LRBA: variants seen among roughly 807,000 people sequenced by gnomAD.
LRBA encodes lipopolysaccharide-responsive and beige-like anchor protein.
Under a neutral mutation model 330.0 loss-of-function variants are expected in LRBA, and 176 were observed. The ratio of observed to expected loss-of-function variants is 0.53; its 90% CI spans 0.47 to 0.60. LRBA has a LOEUF of 0.60. Among genes scored for constraint, LRBA ranks in the 20% least tolerant of loss-of-function variants. The pLI is 0.00. For missense variants in LRBA, 3,259 were observed against 3,444.8 expected (o/e 0.95, Z 1.35); for synonymous variants, 1,230 against 1,193.0 (o/e 1.03, Z -0.64).
intron 32 of LRBA, 127 bp from the exon 33 acceptor site, chr4:150,806,531 G>A (rs1180423228): frequency 4.4e-6 from 2 of 452,840 alleles, no homozygotes; most frequent in Non-Finnish European, 6.9e-6. Flanking sequence ...CACCTAAAGA[G>A]ACATTACTGC....
At chr4:150,335,491 GTATA>G (rs140639293) in intron 48 of LRBA, among the ~76,000 whole-genome samples, 1 of 143,950 alleles carries the variant, frequency 6.9e-6, no homozygotes, top group South Asian at 2.2e-4. Context: ...ATATGTGTGT[GTATA>G]TATATATACA....
At chr4:150,765,745 T>A (rs1735683482) in intron 34 of LRBA, among the ~76,000 whole-genome samples, 1 of 152,070 alleles carries the variant, frequency 6.6e-6, no homozygotes, top group South Asian at 2.1e-4. Context: ...ACCCATATAT[T>A]AAGTAGGCAG....
At chr4:150,707,820 T>C (rs1186361588) in intron 36 of LRBA, among the ~76,000 whole-genome samples, 1 of 151,674 alleles carries the variant, frequency 6.6e-6, no homozygotes, top group African/African-American at 2.4e-5. Flanking sequence ...GACAGAGGCA[T>C]GAATATATAA....
intron 40 of LRBA, among the ~76,000 whole-genome samples, chr4:150,505,782 G>A (rs1450569767): frequency 6.6e-6 from 1 of 152,056 alleles, no homozygotes; most frequent in Non-Finnish European, 1.5e-5. Flanking sequence ...AAAAATTAAT[G>A]AATCCAGGAG....
chr4:150,787,876 A>G (rs1739307094), intron 34 of LRBA, among the ~76,000 whole-genome samples: 1 of 152,164 alleles, frequency 6.6e-6, no homozygotes, highest in African/African-American at 2.4e-5. Context: ...AATTTTGCCT[A>G]TTGTGAACAG....
chr4:150,309,480 T>C (rs573528396), intron 52 of LRBA, among the ~76,000 whole-genome samples: 1 of 152,340 alleles, frequency 6.6e-6, no homozygotes, highest in African/African-American at 2.4e-5. Flanking sequence ...TTATTTTAAA[T>C]ATCAAACTAT....
intron 40 of LRBA, among the ~76,000 whole-genome samples, chr4:150,498,760 G>T (rs1485924188): frequency 6.6e-6 from 1 of 152,026 alleles, no homozygotes; most frequent in African/African-American, 2.4e-5. Context: ...GCATAAAAGG[G>T]TCTCATCTGA....
chr4:150,274,420 C>T (rs1746501065), intron 56 of LRBA, among the ~76,000 whole-genome samples: 1 of 152,028 alleles, frequency 6.6e-6, no homozygotes. Context: ...AGAGCAAACA[C>T]ATTCAAAAGC....
chr4:150,974,966 A>AT (rs1739985063), intron 2 of LRBA, among the ~76,000 whole-genome samples: 2 of 152,356 alleles, frequency 1.3e-5, no homozygotes, highest in Admixed American at 1.3e-4. Context: ...TCTGACCCTA[A>AT]TAAAGGTTGA....
At chr4:150,876,195 A>T (rs567145530) in intron 17 of LRBA, among the ~76,000 whole-genome samples, 1 of 152,328 alleles carries the variant, frequency 6.6e-6, no homozygotes, top group South Asian at 2.1e-4. Flanking sequence ...AGGTTGAAAA[A>T]TGAAAAAAAG....
Position 150,282,454 on chromosome 4 carries a change from A to C in LRBA, c.8312T>G (p.Ile2771Arg). ...AAGAGTCCCCAGGGCACTCACTCTT[A>C]TGTTATCATCTGTTTCCATCGTGGC... ...LQATMETDDN[I>R]RAIQLSRDGQ... Residue 2771 changes from isoleucine to arginine, a missense_variant, in exon 55 of 57, where the codon ATA becomes AGA. Transcript: ENST00000651943. The C allele has an allele frequency of 6.2e-7, 1 of 1,613,950 alleles. No homozygotes were observed. The highest frequency in any genetic ancestry group is 1.1e-5 in the South Asian group (1 of 91,066).
At chr4:150,812,014 A>G (rs1743807578) in intron 31 of LRBA, among the ~76,000 whole-genome samples, 1 of 152,164 alleles carries the variant, frequency 6.6e-6, no homozygotes, top group African/African-American at 2.4e-5. Flanking sequence ...CTTTACCAAC[A>G]CGGATAATAA....
At chr4:150,625,268 T>C (rs1265543524) in intron 37 of LRBA, among the ~76,000 whole-genome samples, 1 of 152,098 alleles carries the variant, frequency 6.6e-6, no homozygotes, top group Non-Finnish European at 1.5e-5. Context: ...TACAAGCAAA[T>C]TTACCAAGAG....
chr4:150,777,972 C>CAA lies in LRBA; in HGVS notation c.5581-16127_5581-16126dup, dbSNP rs57988391. Among the ~76,000 whole-genome samples the CAA allele has an allele frequency of 4.2e-3, 273 of 65,622 alleles. 9 individuals carry two copies. The highest frequency in any genetic ancestry group is 0.012 in the African/African-American group (228 of 18,256). The allele number at this position is 65,622 out of a possible 152,430, so 43.1% of individuals were successfully genotyped here. On this transcript the variant is annotated intron_variant, in intron 34 of 56. Transcript: ENST00000651943. The stretch of plus-strand genomic sequence containing the variant: ...CTGGAGACAGAGTGAGACTCTGTTT[C>CAA]AAAAAAAAAAAAAAAAAAAAAAAAA...
At chr4:150,478,511 T>G (rs1329075862) in intron 42 of LRBA, among the ~76,000 whole-genome samples, 2 of 152,182 alleles carry the variant, frequency 1.3e-5, no homozygotes, top group Non-Finnish European at 2.9e-5. Flanking sequence ...TAAATTATAT[T>G]TCTTAAAAAT....
chr4:150,590,642 T>TG, intron 39 of LRBA, 71 bp downstream of exon 39: 2 of 1,428,354 alleles, frequency 1.4e-6, no homozygotes, highest in African/African-American at 1.4e-5. Context: ...TGGTCACAGC[T>TG]GAAAAAGTAA....
At chr4:150,731,175 C>A (rs2127126547) in intron 36 of LRBA, among the ~76,000 whole-genome samples, 1 of 152,134 alleles carries the variant, frequency 6.6e-6, no homozygotes, top group Admixed American at 6.6e-5. Flanking sequence ...AAAAAGGAAC[C>A]CACATACACT....
intron 40 of LRBA, among the ~76,000 whole-genome samples, chr4:150,558,673 C>A (rs1426739191): frequency 6.6e-6 from 1 of 152,186 alleles, no homozygotes; most frequent in African/African-American, 2.4e-5. Context: ...TGAGTATTCT[C>A]ATTGCTACTG....
chr4:150,683,673 C>A lies in LRBA; in HGVS notation c.5799G>T (p.Lys1933Asn), dbSNP rs754534111. 3.7e-6 allele frequency: 6 copies of A among 1,613,508 alleles called. No homozygotes were observed. In the African/African-American group the frequency reaches 5.3e-5, roughly 14 times the overall value. ...CTGCTCTTATCAAATGATCACACAT[C>A]TTCTCATCTTCTCGTTTGTCTGCAG... Reference protein sequence around the residue: ...QYSADKREDEKMCDHLIRAAK... With the variant: ...QYSADKREDENMCDHLIRAAK... The change falls in exon 37 of 57, where the codon AAG becomes AAT. Residue 1933 changes from lysine (K) to asparagine (N), a missense_variant. Lys to Asn is a moderately conservative substitution (Grantham distance 94, BLOSUM62 0). Coordinates refer to ENST00000651943, the MANE Select transcript of LRBA (RefSeq NM_001364905.1).
Sources: allele counts gnomAD v4.1 joint callset (sites outside exome capture counted in the v4.1 genomes callset), GRCh38; gene constraint gnomAD v4.1.1; transcripts MANE v1.5; gene names NCBI Gene and HGNC (gene_info 2026-07-23, HGNC 2026-07-21).